The following UNC13C variants were observed in gnomAD, a reference collection of about 807,000 sequenced individuals.
UNC13C encodes unc-13 homolog C.
Under a neutral mutation model 245.4 loss-of-function variants are expected in UNC13C, and 174 were observed. The ratio of observed to expected loss-of-function variants is 0.71; its 90% confidence interval spans 0.63 to 0.80. The LOEUF is 0.80. UNC13C is among the 30% of genes least tolerant of loss of function. The probability of loss-of-function intolerance (pLI) is 0.00; values close to 1 mark genes in which losing one functional copy is unlikely to be tolerated. For missense variants in UNC13C, 2,829 were observed against 2,602.9 expected, an observed-to-expected ratio of 1.09 and a Z score of -1.89; for synonymous variants, 992 against 895.1, an observed-to-expected ratio of 1.11 and a Z score of -1.93.
chr15:54,004,747 C>G (rs1405615768), intron 1 of UNC13C, among the ~76,000 whole-genome samples: 1 of 152,144 alleles, frequency 6.6e-6, no homozygotes, highest in Non-Finnish European at 1.5e-5. Context: ...TTGCATCTCT[C>G]TAATGATCAA....
chr15:54,554,490 T>C (rs1483324102), intron 28 of UNC13C, among the ~76,000 whole-genome samples: 1 of 152,100 alleles, frequency 6.6e-6, no homozygotes, highest in Non-Finnish European at 1.5e-5. Context: ...GCTTTACTCT[T>C]CATTCCATAC....
At chr15:54,134,437 TGC>T (rs58930767) in intron 2 of UNC13C, among the ~76,000 whole-genome samples, 56,465 of 151,386 alleles carry the variant, frequency 0.37, 11,531 homozygotes, top group Non-Finnish European at 0.47. Context: ...TGTGTGTGTG[TGC>T]GTTTGTGTGT....
chr15:54,009,766 C>T (rs1005722619), intron 1 of UNC13C, among the ~76,000 whole-genome samples: 2 of 152,040 alleles, frequency 1.3e-5, no homozygotes, highest in African/African-American at 2.4e-5. Flanking sequence ...AGGATGATCT[C>T]GAATTCCTGA....
In UNC13C at chr15:54,452,577, G is replaced by C. The variant is rs115154433; in HGVS notation, c.4933+37510G>C. On this transcript the variant is annotated intron_variant, in intron 19 of 32. Transcript: ENST00000260323. Reference sequence around the variant, plus strand: ...CCAAGATTCCTGGACAGCATGCTCAGGTACTAGGGGAAGTTGGAGAAAGCC... The same window carrying C: ...CCAAGATTCCTGGACAGCATGCTCACGTACTAGGGGAAGTTGGAGAAAGCC... Among the ~76,000 whole-genome samples, 756 of 152,326 alleles carry C rather than the reference G, an allele frequency of 5.0e-3. 13 individuals are homozygous for C. Among genetic ancestry groups the C allele is most frequent in the African/African-American group, 0.018 (735 of 41,570 alleles).
At chr15:54,394,849 A>G (rs2040037579) in intron 18 of UNC13C, among the ~76,000 whole-genome samples, 1 of 151,928 alleles carries the variant, frequency 6.6e-6, no homozygotes, top group Non-Finnish European at 1.5e-5. Context: ...AAATATATAC[A>G]AAGATTTTAG....
the UNC13C span, among the ~76,000 whole-genome samples, chr15:53,923,149 A>C: frequency 1.3e-5 from 2 of 152,242 alleles, no homozygotes; most frequent in African/African-American, 4.8e-5. Context: ...TTAATCTGTA[A>C]GATTCAGATC....
At chr15:54,266,575 T>G (rs1407963482) in intron 10 of UNC13C, among the ~76,000 whole-genome samples, 1 of 152,018 alleles carries the variant, frequency 6.6e-6, no homozygotes, top group Non-Finnish European at 1.5e-5. Context: ...CATGCGATCA[T>G]GTAGACAAGA....
intron 1 of UNC13C, among the ~76,000 whole-genome samples, chr15:53,980,466 A>C (rs1231878980): frequency 1.3e-5 from 2 of 152,198 alleles, no homozygotes; most frequent in African/African-American, 4.8e-5. Context: ...CTATAGCAGT[A>C]ATTTTACTGA....
intron 30 of UNC13C, among the ~76,000 whole-genome samples, chr15:54,577,696 T>C (rs1424147365): frequency 6.6e-6 from 1 of 152,182 alleles, no homozygotes; most frequent in Non-Finnish European, 1.5e-5. Context: ...CCTCATGGTT[T>C]ACCGATGAGG....
At chr15:54,590,407 A>G (rs896639605) in intron 30 of UNC13C, among the ~76,000 whole-genome samples, 10 of 152,192 alleles carry the variant, frequency 6.6e-5, no homozygotes, top group African/African-American at 1.9e-4. Flanking sequence ...AATTGATTCT[A>G]ACATCCAGGA....
At chr15:54,199,671 T>C (rs1416666704) in intron 4 of UNC13C, among the ~76,000 whole-genome samples, 1 of 152,098 alleles carries the variant, frequency 6.6e-6, no homozygotes, top group African/African-American at 2.4e-5. Context: ...AAGACAGCAC[T>C]ACAAAGACTG....
intron 18 of UNC13C, among the ~76,000 whole-genome samples, chr15:54,414,772 C>A (rs2040485002): frequency 6.6e-6 from 1 of 152,034 alleles, no homozygotes; most frequent in Non-Finnish European, 1.5e-5. Flanking sequence ...AATGAAGTCT[C>A]TTTTCTTACC....
the UNC13C span, among the ~76,000 whole-genome samples, chr15:53,925,859 T>C: frequency 1.9e-4 from 29 of 152,306 alleles, no homozygotes; most frequent in Admixed American, 5.2e-4. Flanking sequence ...ACCAGGTGCT[T>C]CTCTTTTGTG....
intron 28 of UNC13C, among the ~76,000 whole-genome samples, chr15:54,551,484 A>G (rs1896733863): frequency 6.6e-6 from 1 of 152,068 alleles, no homozygotes; most frequent in African/African-American, 2.4e-5. Context: ...TGATCGAGAT[A>G]GAGACTGGTT....
intron 30 of UNC13C, among the ~76,000 whole-genome samples, chr15:54,588,531 T>C (rs1898605074): frequency 6.6e-6 from 1 of 152,192 alleles, no homozygotes; most frequent in Non-Finnish European, 1.5e-5. Flanking sequence ...GTTATTGGTA[T>C]ACAGGTGGTA....
At chr15:53,894,399 G>T in the UNC13C span, among the ~76,000 whole-genome samples, 1 of 152,200 alleles carries the variant, frequency 6.6e-6, no homozygotes, top group Admixed American at 6.5e-5. Context: ...GACACCGTAG[G>T]TTGGCTCAAC....
intron 19 of UNC13C, among the ~76,000 whole-genome samples, chr15:54,458,847 C>T (rs532550269): frequency 6.6e-6 from 1 of 151,730 alleles, no homozygotes; most frequent in African/African-American, 2.4e-5. Context: ...GGTTTTTATC[C>T]ATTCTGCCAT....
intron 2 of UNC13C, among the ~76,000 whole-genome samples, chr15:54,107,980 G>A (rs547629983): frequency 3.3e-5 from 5 of 152,178 alleles, no homozygotes; most frequent in South Asian, 2.1e-4. Context: ...AAAGAGTGAC[G>A]GTTTCTGTGA....
chr15:53,931,142 GATTT>G, the UNC13C span, among the ~76,000 whole-genome samples: 10 of 151,892 alleles, frequency 6.6e-5, no homozygotes, highest in African/African-American at 4.8e-5. Flanking sequence ...TTATTTTATT[GATTT>G]ATTTATTTAT....
Sources: gnomAD v4.1 joint callset for allele counts (sites outside exome capture counted in the v4.1 genomes callset) on GRCh38, gnomAD v4.1.1 for gene constraint, MANE v1.5 for transcripts, NCBI Gene and HGNC (gene_info 2026-07-23, HGNC 2026-07-21) for gene names.